Variants in FBXL7 observed in about 807,000 individuals in gnomAD.
FBXL7 encodes F-box/LRR-repeat protein 7.
A neutral mutation model predicts 38.3 loss-of-function variants in FBXL7; 12 were observed. The observed-to-expected ratio is 0.31, with a 90% CI of 0.20 to 0.51. FBXL7 has a LOEUF of 0.51. Ranked by LOEUF, FBXL7 falls within the 20% of genes least tolerant of loss-of-function variation. FBXL7 has a pLI of 0.98. For missense variants in FBXL7, 567 were observed against 676.4 expected, an observed-to-expected ratio of 0.84 and a Z score of 1.79; for synonymous variants, 297 against 300.9, an observed-to-expected ratio of 0.99 and a Z score of 0.13.
intron 2 of FBXL7, among the ~76,000 whole-genome samples, chr5:15,858,395 G>C (rs995105717): frequency 6.6e-6 from 1 of 151,936 alleles, no homozygotes; most frequent in African/African-American, 2.4e-5. Flanking sequence ...CAGGAAAGAG[G>C]TTCTTTTGGT....
rs190553649 is a variant in FBXL7, at chr5:15,642,774, C to A, written c.127+26702C>A. On this transcript the variant is annotated intron_variant, in intron 2 of 3. Coordinates refer to ENST00000504595, the MANE Select transcript of FBXL7 (RefSeq NM_012304.5). Reference sequence around the variant, plus strand: ...AGGGGAGAAGGAATCCATATTAGAGCCTTCATCTGGTGCTTGTCTCACATT... The same window carrying A: ...AGGGGAGAAGGAATCCATATTAGAGACTTCATCTGGTGCTTGTCTCACATT... Among the ~76,000 whole-genome samples the A allele has an allele frequency of 3.9e-3, 587 of 152,264 alleles. 6 individuals carry two copies. The highest frequency in any genetic ancestry group is 0.014 in the African/African-American group (570 of 41,548).
intron 1 of FBXL7, among the ~76,000 whole-genome samples, chr5:15,596,659 C>G (rs796565656): frequency 1.8e-4 from 28 of 152,366 alleles, no homozygotes; most frequent in African/African-American, 6.7e-4. Flanking sequence ...ATTTCCCCTA[C>G]ATTCTGGGCA....
intron 2 of FBXL7, among the ~76,000 whole-genome samples, chr5:15,878,608 A>G (rs561594206): frequency 4.6e-5 from 7 of 152,288 alleles, no homozygotes; most frequent in African/African-American, 1.4e-4. Context: ...TGTATTTCCT[A>G]CAGAAAATCT....
chr5:15,513,260 A>T (rs1736849222), intron 1 of FBXL7, among the ~76,000 whole-genome samples: 2 of 150,300 alleles, frequency 1.3e-5, no homozygotes, highest in South Asian at 4.2e-4. Context: ...CATTGTTTCT[A>T]TTTTTTTTTT....
At chr5:15,932,471 A>G (rs1465076920) in intron 3 of FBXL7, among the ~76,000 whole-genome samples, 1 of 152,224 alleles carries the variant, frequency 6.6e-6, no homozygotes, top group Non-Finnish European at 1.5e-5. Context: ...GGATTAACTG[A>G]AGAAACGCCG....
chr5:15,919,728 T>G (rs997767340), intron 2 of FBXL7, among the ~76,000 whole-genome samples: 13 of 152,310 alleles, frequency 8.5e-5, no homozygotes, highest in Non-Finnish European at 1.5e-4. Flanking sequence ...TATTGTTTAA[T>G]TCAAACGTTA....
chr5:15,649,557 T>C, intron 2 of FBXL7, among the ~76,000 whole-genome samples: 1 of 152,172 alleles, frequency 6.6e-6, no homozygotes, highest in East Asian at 1.9e-4. Context: ...AACTCTAAGC[T>C]AACTAAACTC....
intron 1 of FBXL7, among the ~76,000 whole-genome samples, chr5:15,561,222 A>G (rs1267295211): frequency 6.6e-6 from 1 of 151,910 alleles, no homozygotes; most frequent in African/African-American, 2.4e-5. Flanking sequence ...ACCTCTATCT[A>G]TTCCTTCTTC....
At chr5:15,677,035 C>T (rs1742679144) in intron 2 of FBXL7, among the ~76,000 whole-genome samples, 1 of 152,194 alleles carries the variant, frequency 6.6e-6, no homozygotes, top group East Asian at 1.9e-4. Context: ...AATGGAAATA[C>T]AAACAAACCT....
rs142344248 is a variant in FBXL7, at chr5:15,848,187, C to T, written c.128-79703C>T. 9.3e-4 allele frequency among the ~76,000 whole-genome samples: 141 copies of T among 152,082 alleles called. 2 individuals carry two copies. The East Asian group carries it at 0.025, about 27-fold the overall frequency. On this transcript the variant is annotated intron_variant, in intron 2 of 3. Transcript: ENST00000504595. ...ATCAAAGTGTACATTGTTGTATGTA[C>T]AATTATGTTCTTTGAATAATTATTT...
intron 2 of FBXL7, among the ~76,000 whole-genome samples, chr5:15,816,870 G>A (rs1738029284): frequency 6.6e-6 from 1 of 152,138 alleles, no homozygotes; most frequent in African/African-American, 2.4e-5. Context: ...AATTTTGTCA[G>A]AAAATAAAAT....
chr5:15,808,841 C>CT (rs1737783753), intron 2 of FBXL7, among the ~76,000 whole-genome samples: 1 of 152,112 alleles, frequency 6.6e-6, no homozygotes, highest in Non-Finnish European at 1.5e-5. Flanking sequence ...TAGGCCTGTT[C>CT]TTTTTTGTAC....
chr5:15,631,524 C>T lies in FBXL7; in HGVS notation c.127+15452C>T, dbSNP rs187367520. Among the ~76,000 whole-genome samples the T allele has an allele frequency of 1.1e-3, 173 of 151,646 alleles. 4 individuals carry two copies. In the East Asian group the frequency reaches 0.023, roughly 21 times the overall value. ...CAGACTGACCAACATGGTGAAACCCCGTCCCTACTAAAAATACAAAAAATT... is the reference window on the plus strand; with the variant it reads ...CAGACTGACCAACATGGTGAAACCCTGTCCCTACTAAAAATACAAAAAATT... On this transcript the variant is annotated intron_variant, in intron 2 of 3. Transcript: ENST00000504595.
At chr5:15,618,452 CAT>C (rs527530190) in intron 2 of FBXL7, among the ~76,000 whole-genome samples, 142 of 152,204 alleles carry the variant, frequency 9.3e-4, no homozygotes, top group Non-Finnish European at 1.8e-3. Flanking sequence ...TATTAAAAAA[CAT>C]AGAATAGGTG....
At chr5:15,853,193 C>T (rs1247366805) in intron 2 of FBXL7, among the ~76,000 whole-genome samples, 1 of 152,118 alleles carries the variant, frequency 6.6e-6, no homozygotes, top group African/African-American at 2.4e-5. Context: ...CAGTGGAACA[C>T]AGCAAATGTG....
chr5:15,725,259 A>G (rs1484941609), intron 2 of FBXL7, among the ~76,000 whole-genome samples: 1 of 152,184 alleles, frequency 6.6e-6, no homozygotes, highest in Admixed American at 6.5e-5. Context: ...ATTTTTTAAT[A>G]TAAGCATTTA....
At chr5:15,535,387 A>G (rs1423206934) in intron 1 of FBXL7, among the ~76,000 whole-genome samples, 1 of 152,212 alleles carries the variant, frequency 6.6e-6, no homozygotes, top group Non-Finnish European at 1.5e-5. Flanking sequence ...GGAATTTCCT[A>G]GAGACTTGTT....
intron 1 of FBXL7, among the ~76,000 whole-genome samples, chr5:15,615,237 T>C (rs1325478045): frequency 6.6e-6 from 1 of 152,204 alleles, no homozygotes; most frequent in Non-Finnish European, 1.5e-5. Flanking sequence ...GCTAAGATTA[T>C]TTAGACCAGG....
At chr5:15,563,820 G>T (rs963718705) in intron 1 of FBXL7, among the ~76,000 whole-genome samples, 4 of 152,042 alleles carry the variant, frequency 2.6e-5, no homozygotes, top group African/African-American at 9.7e-5. Context: ...GGGAAGGCTT[G>T]ATGCCTCATA....
Sources: allele counts gnomAD v4.1 joint callset (sites outside exome capture counted in the v4.1 genomes callset), GRCh38; gene constraint gnomAD v4.1.1; transcripts MANE v1.5; gene names NCBI Gene and HGNC (gene_info 2026-07-23, HGNC 2026-07-21).